The following HIGD1A variants were observed in gnomAD, a reference collection of about 807,000 sequenced individuals.
HIGD1A encodes the protein HIG1 domain family member 1A, mitochondrial.
Under a neutral mutation model 11.3 loss-of-function variants are expected in HIGD1A, and 8 were observed. The ratio of observed to expected loss-of-function variants is 0.71; its 90% CI spans 0.42 to 1.28. The LOEUF (loss-of-function observed/expected upper bound fraction) is 1.28. HIGD1A is among the 50% of genes most tolerant of loss of function. HIGD1A has a pLI of 0.01. For missense variants in HIGD1A, 107 were observed against 118.8 expected, an observed-to-expected ratio of 0.90 and a Z score of 0.46; for synonymous variants, 32 against 38.4, an observed-to-expected ratio of 0.83 and a Z score of 0.62.
At chr3:42,786,576 T>C (rs1161452496) in intron 2 of HIGD1A, among the ~76,000 whole-genome samples, 1 of 152,170 alleles carries the variant, frequency 6.6e-6, no homozygotes, top group Non-Finnish European at 1.5e-5. Flanking sequence ...TACACACTAC[T>C]ACCACTGAGA....
At chr3:42,794,810 C>T (rs1320099075) in intron 1 of HIGD1A, among the ~76,000 whole-genome samples, 1 of 152,158 alleles carries the variant, frequency 6.6e-6, no homozygotes, top group Admixed American at 6.5e-5. Context: ...AGATTAGTTT[C>T]CAGTCTATTA....
In HIGD1A at chr3:42,794,366, G is replaced by A. The variant is rs186428613; in HGVS notation, c.-22-91C>T. On this transcript the variant is annotated intron_variant, in intron 1 of 3. Transcript: ENST00000321331. ...TATTTAAAATATTCCTAACTTCCAT[G>A]AGAATCTTAGTATATGTTATCCATA... is the stretch of plus-strand genomic sequence containing the variant. 1.0e-5 allele frequency: 12 copies of A among 1,178,820 alleles called. No individual in the cohort carries two copies. The Admixed American group carries it at 2.0e-4, about 20-fold the overall frequency. The allele number at this position is 1,178,820 out of a possible 1,614,324, so 73.0% of individuals were successfully genotyped here. A position where few individuals can be genotyped will look rare whatever the true frequency, so the allele number is the denominator to read the frequency against.
chr3:42,796,145 G>C lies in HIGD1A; in HGVS notation c.-22-1870C>G, dbSNP rs902457074. Among the ~76,000 whole-genome samples the C allele has an allele frequency of 5.9e-5, 9 of 152,158 alleles. 1 individual carries two copies. The highest frequency in any genetic ancestry group is 2.4e-5 in the African/African-American group (1 of 41,436). Reference sequence around the variant, plus strand: ...CCTCAACAAAAATGCAACTCCGGAGGGGGTGGTGTGCTTAGTTTAGAAAGT... The same window carrying C: ...CCTCAACAAAAATGCAACTCCGGAGCGGGTGGTGTGCTTAGTTTAGAAAGT... On this transcript the variant is annotated intron_variant, in intron 1 of 3. Transcript: ENST00000321331.
chr3:42,804,204 T>C (rs1700606373), intron 1 of HIGD1A: 1 of 1,609,802 alleles, frequency 6.2e-7, no homozygotes, highest in Non-Finnish European at 8.5e-7. Flanking sequence ...CCTCGCTGGC[T>C]CCGTCTCCCC....
intron 2 of HIGD1A, among the ~76,000 whole-genome samples, chr3:42,787,533 G>A (rs1021015976): frequency 1.8e-4 from 26 of 146,854 alleles, no homozygotes; most frequent in African/African-American, 5.5e-4. Flanking sequence ...GGAGGTTGCA[G>A]TGAGCCGAGA....
At chr3:42,792,984 GAAAAAAAA>G (rs745632679) in intron 2 of HIGD1A, among the ~76,000 whole-genome samples, 1 of 128,962 alleles carries the variant, frequency 7.8e-6, no homozygotes, top group Non-Finnish European at 1.7e-5. Context: ...CTCCTTCTCG[GAAAAAAAA>G]AAAAAAGTCG....
chr3:42,792,122 CAG>C (rs1700427769), intron 2 of HIGD1A, among the ~76,000 whole-genome samples: 1 of 152,152 alleles, frequency 6.6e-6, no homozygotes, highest in Non-Finnish European at 1.5e-5. Flanking sequence ...TGTTGTCTTT[CAG>C]AGTCGGGATC....
rs1317677157 is a variant in HIGD1A at position 42,783,055 on chromosome 3, T to C, written c.*2216A>G. Among the ~76,000 whole-genome samples, 3 of 152,222 alleles carry C rather than the reference T, an allele frequency of 2.0e-5. No homozygotes were observed. Among genetic ancestry groups the C allele is most frequent in the African/African-American group, 7.2e-5 (3 of 41,470 alleles). On this transcript the variant is annotated 3_prime_UTR_variant, in exon 4 of 4. Coordinates refer to ENST00000321331, the MANE Select transcript of HIGD1A (RefSeq NM_014056.4). ...GGGAAATTGTTCCATGAGTCTTTTT[T>C]AAGGAAACTATTAAATCATTAATTT...
intron 2 of HIGD1A, among the ~76,000 whole-genome samples, chr3:42,793,293 C>T (rs552150923): frequency 2.0e-5 from 3 of 152,086 alleles, no homozygotes; most frequent in Non-Finnish European, 2.9e-5. Flanking sequence ...CCTGCGAGTC[C>T]GACCTCTGGG....
In HIGD1A at chr3:42,787,590, C is replaced by CAA. The variant is rs375399059; in HGVS notation, c.98-1430_98-1429dup. Among the ~76,000 whole-genome samples, 265 of 115,908 alleles carry CAA rather than the reference C, an allele frequency of 2.3e-3. 3 individuals are homozygous for CAA. The highest frequency in any genetic ancestry group is 0.016 in the East Asian group (55 of 3,364). 76.0% of individuals were successfully genotyped at this position (115,908 alleles called of 152,430 possible). A position where few individuals can be genotyped will look rare whatever the true frequency, so the allele number is the denominator to read the frequency against. On this transcript the variant is annotated intron_variant, in intron 2 of 3. Coordinates refer to ENST00000321331, the MANE Select transcript of HIGD1A (RefSeq NM_014056.4). ...TGGGCGACAGAGCGAGACTCCATCT[C>CAA]AAAAATATATATATATATATATATA...
chr3:42,790,258 T>G (rs1258203245), intron 2 of HIGD1A, among the ~76,000 whole-genome samples: 1 of 152,114 alleles, frequency 6.6e-6, no homozygotes, highest in Non-Finnish European at 1.5e-5. Context: ...AGAGGCCAGG[T>G]GCAGTGGCTC....
intron 2 of HIGD1A, among the ~76,000 whole-genome samples, chr3:42,789,882 AG>A (rs1214795790): frequency 4.6e-5 from 7 of 151,934 alleles, no homozygotes; most frequent in African/African-American, 1.7e-4. Context: ...CACCATGCCC[AG>A]CTAATTTTTA....
At position 42,785,095 on chromosome 3, in the gene HIGD1A, T is replaced by G. The variant is rs542700075; in HGVS notation, c.*176A>C. 5.8e-5 allele frequency: 31 copies of G among 530,692 alleles called. No homozygotes were observed. The highest frequency in any genetic ancestry group is 5.8e-4 in the African/African-American group (30 of 51,898). The allele number at this position is 530,692 out of a possible 1,614,324, so 32.9% of individuals were successfully genotyped here. On this transcript the variant is annotated 3_prime_UTR_variant, in exon 4 of 4. Coordinates refer to ENST00000321331, the MANE Select transcript of HIGD1A (RefSeq NM_014056.4). The stretch of plus-strand genomic sequence containing the variant: ...ACCTAGTTAGTAAACTAGTCACTAG[T>G]AATTCGGTCACCAAGCAAATCAAGC...
At chr3:42,800,239 G>A (rs1360931552) in intron 1 of HIGD1A, among the ~76,000 whole-genome samples, 1 of 151,990 alleles carries the variant, frequency 6.6e-6, no homozygotes, top group Non-Finnish European at 1.5e-5. Flanking sequence ...TGAGGCAGGA[G>A]GATCGCTTGA....
chr3:42,802,865 G>A (rs557463396), intron 1 of HIGD1A, among the ~76,000 whole-genome samples: 1 of 152,280 alleles, frequency 6.6e-6, no homozygotes, highest in African/African-American at 2.4e-5. Context: ...CGCTGCTGAT[G>A]TAAATTAGAT....
chr3:42,804,288 GGC>G, intron 1 of HIGD1A, 146 bp downstream of exon 1: 1 of 1,252,476 alleles, frequency 8.0e-7, no homozygotes, highest in South Asian at 1.3e-5. Context: ...CCTGAGCCCC[GGC>G]AACTCCACCT....
At chr3:42,791,002 A>G (rs1700415885) in intron 2 of HIGD1A, among the ~76,000 whole-genome samples, 1 of 152,222 alleles carries the variant, frequency 6.6e-6, no homozygotes, top group Admixed American at 6.5e-5. Flanking sequence ...AAGGTAGAAT[A>G]GTGAAAGTGT....
At chr3:42,804,397 G>C in intron 1 of HIGD1A, 39 bp downstream of exon 1, 2 of 525,930 alleles carry the variant, frequency 3.8e-6, no homozygotes, top group Non-Finnish European at 6.7e-6. Context: ...CCCGCGGCCC[G>C]AGTCCCTGGC....
In HIGD1A at chr3:42,783,196, G is replaced by A. The variant is rs998681696; in HGVS notation, c.*2075C>T. On this transcript the variant is annotated 3_prime_UTR_variant, in exon 4 of 4. Transcript: ENST00000321331. ...AATATTATATGTCCTCACAAGGTAG[G>A]AATGATACAACAAAAATTGAGAGAA... Among the ~76,000 whole-genome samples the A allele has an allele frequency of 2.6e-5, 4 of 152,174 alleles. No homozygotes were observed. Among genetic ancestry groups the A allele is most frequent in the South Asian group, 2.1e-4 (1 of 4,832 alleles).
Sources: gnomAD v4.1 joint callset for allele counts (sites outside exome capture counted in the v4.1 genomes callset) on GRCh38, gnomAD v4.1.1 for gene constraint, MANE v1.5 for transcripts, NCBI Gene and HGNC (gene_info 2026-07-23, HGNC 2026-07-21) for gene names.